The following DRC7 variants were observed in gnomAD, a reference collection of about 807,000 sequenced individuals.
DRC7 encodes dynein regulatory complex subunit 7.
DRC7 carries 80 observed loss-of-function variants against 104.4 expected under a neutral mutation model. The ratio of observed to expected loss-of-function variants is 0.77; its 90% CI spans 0.64 to 0.92. The LOEUF (loss-of-function observed/expected upper bound fraction) is 0.92. Ranked by LOEUF, DRC7 falls within the 40% of genes least tolerant of loss-of-function variation. The pLI, the probability that DRC7 is intolerant of heterozygous loss-of-function variation, is 0.00. For synonymous variants in DRC7, 405 were observed against 447.3 expected (o/e 0.91, Z 1.19); for missense variants, 1,034 against 1,141.1 (o/e 0.91, Z 1.35).
chr16:57,721,877 A>ACCCT (rs1567884619), intron 10 of DRC7, 138 bp downstream of exon 10: 6 of 600,056 alleles, frequency 1.0e-5, no homozygotes, highest in East Asian at 9.0e-5. Context: ...CTTCAGCTGC[A>ACCCT]CCCTCCCTCC....
At chr16:57,716,493 A>C (rs1179885520) in intron 8 of DRC7, among the ~76,000 whole-genome samples, 2 of 142,236 alleles carry the variant, frequency 1.4e-5, no homozygotes, top group South Asian at 2.2e-4. Context: ...ACAGAGCAAG[A>C]CTCCATCTGA....
chr16:57,700,207 C>T lies in DRC7; in HGVS notation c.441C>T (p.Asp147=). The T allele has an allele frequency of 1.2e-6, 2 of 1,614,152 alleles. No homozygotes were observed. Among genetic ancestry groups the T allele is most frequent in the Non-Finnish European group, 1.7e-6 (2 of 1,180,000 alleles). ...LMPYPELYNW[D]SCAQFVSDFL... is the part of the protein sequence containing the mutation. Reference sequence around the variant, plus strand: ...CCTACCCCGAGCTCTACAACTGGGACAGCTGTGCCCAGTTTGTCTCCGACT... The same window carrying T: ...CCTACCCCGAGCTCTACAACTGGGATAGCTGTGCCCAGTTTGTCTCCGACT... Residue 147 remains aspartate (D), a synonymous_variant, in exon 5 of 19, where the codon GAC becomes GAT. Coordinates refer to ENST00000360716, the MANE Select transcript of DRC7 (RefSeq NM_001289162.2).
chr16:57,700,338 C>T (rs1567871977), intron 5 of DRC7, 68 bp downstream of exon 5: 2 of 1,536,820 alleles, frequency 1.3e-6, no homozygotes, highest in South Asian at 2.4e-5. Flanking sequence ...AACAAACTCA[C>T]CCATCCAAAC....
intron 3 of DRC7, 96 bp from the exon 4 acceptor site, chr16:57,698,754 A>T: frequency 8.5e-7 from 1 of 1,169,898 alleles, no homozygotes; most frequent in Non-Finnish European, 1.2e-6. Flanking sequence ...CGTGAGGATT[A>T]AATGAGGAAG....
intron 8 of DRC7, among the ~76,000 whole-genome samples, chr16:57,715,433 G>A (rs779187289): frequency 9.2e-5 from 14 of 152,272 alleles, no homozygotes; most frequent in South Asian, 2.1e-4. Flanking sequence ...CAGCCCCTGC[G>A]GGAGACAGGC....
At position 57,721,643 on chromosome 16, in the gene DRC7, C is replaced by T. The variant is rs752313381; in HGVS notation, c.1207-24C>T. ...TCAACACCCTGACCAGCACCACCTCCCCCACCCCCTTCTCTCCCATCAGGG... is the reference window on the plus strand; with the variant it reads ...TCAACACCCTGACCAGCACCACCTCTCCCACCCCCTTCTCTCCCATCAGGG... On this transcript the variant is annotated intron_variant, in intron 9 of 18. Transcript: ENST00000360716. 4 of 1,593,690 alleles carry T rather than the reference C, an allele frequency of 2.5e-6. No individual in the cohort carries two copies. In the African/African-American group the frequency reaches 5.4e-5, roughly 21 times the overall value.
At chr16:57,703,611 C>A in intron 6 of DRC7, among the ~76,000 whole-genome samples, 1 of 152,172 alleles carries the variant, frequency 6.6e-6, no homozygotes, top group Non-Finnish European at 1.5e-5. Context: ...CTTGCTCTCT[C>A]AGGCCCACCT....
At position 57,729,084 on chromosome 16, in the gene DRC7, G is replaced by C. The variant is rs188563134; in HGVS notation, c.2391+500G>C. On this transcript the variant is annotated intron_variant, in intron 17 of 18. Coordinates refer to ENST00000360716, the MANE Select transcript of DRC7 (RefSeq NM_001289162.2). ...TGAGTGAGTGAGTGGATGGATGAGT[G>C]GGTAGGTGGATGGATGAGTGGGTGG... 5.9e-4 allele frequency among the ~76,000 whole-genome samples: 89 copies of C among 151,698 alleles called. 2 individuals are homozygous for C. The highest frequency in any genetic ancestry group is 2.1e-3 in the African/African-American group (88 of 41,282).
chr16:57,709,565 T>C (rs1304370137), intron 8 of DRC7, among the ~76,000 whole-genome samples: 1 of 152,206 alleles, frequency 6.6e-6, no homozygotes, highest in Admixed American at 6.5e-5. Flanking sequence ...TTATATCAAA[T>C]GTTTTTTTCA....
At chr16:57,720,407 G>A (rs574475211) in intron 9 of DRC7, among the ~76,000 whole-genome samples, 14 of 152,246 alleles carry the variant, frequency 9.2e-5, no homozygotes, top group Non-Finnish European at 1.9e-4. Flanking sequence ...AGAGACTGGG[G>A]ACATCTTGTG....
chr16:57,721,655 C>G lies in DRC7; in HGVS notation c.1207-12C>G. 1 of 1,610,002 alleles carries G rather than the reference C, an allele frequency of 6.2e-7. No homozygotes were observed. Among genetic ancestry groups the G allele is most frequent in the Non-Finnish European group, 8.5e-7 (1 of 1,176,748 alleles). On this transcript the variant is annotated splice_polypyrimidine_tract_variant and intron_variant, in intron 9 of 18. Transcript: ENST00000360716. ...CCAGCACCACCTCCCCCACCCCCTT[C>G]TCTCCCATCAGGGCAAGGAGGATGA... is the stretch of plus-strand genomic sequence containing the variant.
Position 57,701,957 on chromosome 16 carries a change from A to G in DRC7, c.526A>G (p.Thr176Ala), listed in dbSNP as rs1387196557. 6.2e-7 allele frequency: 1 copy of G among 1,613,942 alleles called. No homozygotes were observed. The highest frequency in any genetic ancestry group is 1.3e-5 in the African/African-American group (1 of 74,906). Residue 176 changes from threonine to alanine, a missense_variant, in exon 6 of 19, where the codon ACC (threonine) becomes GCC (alanine). Transcript: ENST00000360716. ...CCAGCCCTCGCACCTGTACTCCTCG[A>G]CCACTGTGCTCAAGTACCAGAAGGG... The part of the protein sequence containing the change: ...LKPPSHLYSS[T>A]TVLKYQKGNC...
intron 8 of DRC7, among the ~76,000 whole-genome samples, chr16:57,717,416 A>AC (rs1555574264): frequency 1.3e-5 from 2 of 150,158 alleles, no homozygotes; most frequent in African/African-American, 2.4e-5. Context: ...AAAAAAAAAA[A>AC]GGCCAGGCAC....
chr16:57,716,371 CGG>C (rs1398645224), intron 8 of DRC7, among the ~76,000 whole-genome samples: 8 of 151,650 alleles, frequency 5.3e-5, no homozygotes, highest in Admixed American at 1.3e-4. Context: ...GGTGTGGTGG[CGG>C]GCACCTGTAA....
chr16:57,709,972 T>G (rs1188098600), intron 8 of DRC7, among the ~76,000 whole-genome samples: 7 of 152,116 alleles, frequency 4.6e-5, no homozygotes, highest in Admixed American at 2.6e-4. Context: ...AAATGGGTTT[T>G]GCAATGTTGC....
At chr16:57,729,137 AATGG>A (rs1454741549) in intron 17 of DRC7, among the ~76,000 whole-genome samples, 10 of 78,134 alleles carry the variant, frequency 1.3e-4, no homozygotes, top group African/African-American at 5.2e-4. Flanking sequence ...TAGATGGATG[AATGG>A]ATGGATGGGT....
At chr16:57,727,436 C>T (rs770089182) in intron 16 of DRC7, 27 bp downstream of exon 16, 1 of 1,560,888 alleles carries the variant, frequency 6.4e-7, no homozygotes, top group Non-Finnish European at 8.8e-7. Flanking sequence ...TCTCCAGGCC[C>T]CAGCTTTTCC....
intron 17 of DRC7, 150 bp downstream of exon 17, chr16:57,728,734 GTTGTTCCTCCT>G (rs2049004555): frequency 2.4e-6 from 1 of 420,136 alleles, no homozygotes; most frequent in African/African-American, 2.3e-5. Flanking sequence ...AAATGACTGA[GTTGTTCCTCCT>G]CACACTTGTT....
At chr16:57,700,420 G>A (rs1312154129) in intron 5 of DRC7, 150 bp downstream of exon 5, 17 of 983,862 alleles carry the variant, frequency 1.7e-5, no homozygotes, top group East Asian at 8.3e-5. Context: ...AGGCCAAGGC[G>A]GGCAGATCAC....
Sources: allele counts gnomAD v4.1 joint callset (sites outside exome capture counted in the v4.1 genomes callset), GRCh38; gene constraint gnomAD v4.1.1; transcripts MANE v1.5; gene names NCBI Gene and HGNC (gene_info 2026-07-23, HGNC 2026-07-21).